Variants in SYT7 observed in about 807,000 individuals in gnomAD.
The protein encoded by SYT7 is synaptotagmin 7.
SYT7 carries 29 observed loss-of-function variants against 75.1 expected under a neutral mutation model. The ratio of observed to expected loss-of-function variants is 0.39; its 90% CI spans 0.29 to 0.53. The LOEUF is 0.53. Ranked by LOEUF, SYT7 falls within the 20% of genes least tolerant of loss-of-function variation. The pLI is 0.77. For missense variants in SYT7, 693 were observed against 953.2 expected, an observed-to-expected ratio of 0.73 and a Z score of 3.59; for synonymous variants, 376 against 401.7, an observed-to-expected ratio of 0.94 and a Z score of 0.76.
rs201235198 is a variant in SYT7 at position 61,518,051 on chromosome 11, ACG to A, written c.*574_*575del. 1,201 of 159,290 alleles carry A rather than the reference ACG, an allele frequency of 7.5e-3. 22 individuals are homozygous for A. Among genetic ancestry groups the A allele is most frequent in the African/African-American group, 0.026 (1,103 of 41,826 alleles). The allele number at this position is 159,290 out of a possible 1,614,324, so 9.9% of individuals were successfully genotyped here. A position where few individuals can be genotyped will look rare whatever the true frequency, so the allele number is the denominator to read the frequency against. ...TCCGCATTTCCAGGCCTCTGTCCCCACGCACACACACAATGGACACAACACGA... is the reference window on the plus strand; with the variant it reads ...TCCGCATTTCCAGGCCTCTGTCCCCACACACACACAATGGACACAACACGA... On this transcript the variant is annotated 3_prime_UTR_variant, in exon 13 of 13. Coordinates refer to ENST00000539008, the MANE Select transcript of SYT7 (RefSeq NM_001365809.2).
At chr11:61,521,449 C>T (rs577870204) in intron 12 of SYT7, among the ~76,000 whole-genome samples, 1 of 152,190 alleles carries the variant, frequency 6.6e-6, no homozygotes, top group Non-Finnish European at 1.5e-5. Flanking sequence ...TGGCAAGACC[C>T]GAGCCCTGGC....
intron 1 of SYT7, among the ~76,000 whole-genome samples, chr11:61,566,330 C>T (rs76702546): frequency 0.035 from 5,307 of 152,292 alleles, 315 homozygotes; most frequent in African/African-American, 0.12. Context: ...AATTCCTGGC[C>T]TAGGGAGGCC....
In SYT7 at chr11:61,551,567, C is replaced by A. The variant is rs374640940; in HGVS notation, c.136-104G>T. On this transcript the variant is annotated intron_variant, in intron 2 of 12. Transcript: ENST00000539008. This position sits in a 1 kb window ranked among gnomAD's most constrained non-coding sequence, Gnocchi z 5.3. ...GGAAGGAGATAGACTGGAGTCGGGC[C>A]GTGGCAACAAGGCCAGGACCAGTGT... 1.7e-6 allele frequency: 2 copies of A among 1,201,194 alleles called. No homozygotes were observed. Among genetic ancestry groups the A allele is most frequent in the Admixed American group, 1.8e-5 (1 of 54,656 alleles). The allele number at this position is 1,201,194 out of a possible 1,614,324, so 74.4% of individuals were successfully genotyped here.
intron 2 of SYT7, among the ~76,000 whole-genome samples, chr11:61,555,241 G>A (rs2063462761): frequency 6.6e-6 from 1 of 152,186 alleles, no homozygotes; most frequent in African/African-American, 2.4e-5. Context: ...GCTTGCTAGT[G>A]ACCCTCCTTC....
In SYT7 at chr11:61,551,982, G is replaced by A. The variant is rs183520041; in HGVS notation, c.136-519C>T. 1.9e-3 allele frequency among the ~76,000 whole-genome samples: 295 copies of A among 152,226 alleles called. 1 individual carries two copies. Among genetic ancestry groups the A allele is most frequent in the African/African-American group, 6.9e-3 (285 of 41,550 alleles). ...CCACTGTCTGGGGGTTCTCTGGGGG[G>A]TCCTTGTGCCCTGGGGCTGTAAGGC... On this transcript the variant is annotated intron_variant, in intron 2 of 12. Coordinates refer to ENST00000539008, the MANE Select transcript of SYT7 (RefSeq NM_001365809.2). This position sits in a 1 kb window ranked among gnomAD's most constrained non-coding sequence, Gnocchi z 5.3.
In SYT7 at chr11:61,525,180, C is replaced by T. The variant is rs192668473; in HGVS notation, c.1472-648G>A. On this transcript the variant is annotated intron_variant, in intron 9 of 12. Coordinates refer to ENST00000539008, the MANE Select transcript of SYT7 (RefSeq NM_001365809.2). ...CTGCAAGTGTCTCCAAACCGCCCTC[C>T]CCGCATCCACGCTTTCTCCTACCGT... Among the ~76,000 whole-genome samples, 479 of 152,364 alleles carry T rather than the reference C, an allele frequency of 3.1e-3. 3 individuals are homozygous for T. Among genetic ancestry groups the T allele is most frequent in the African/African-American group, 0.011 (466 of 41,586 alleles).
chr11:61,545,858 G>A (rs772054498), intron 5 of SYT7, among the ~76,000 whole-genome samples, 173 bp downstream of exon 5: 8 of 152,278 alleles, frequency 5.3e-5, no homozygotes, highest in Admixed American at 1.3e-4. Flanking sequence ...GGCTGAGTTC[G>A]TCGTGCCAGA....
chr11:61,542,639 G>A lies in SYT7; in HGVS notation c.573-60C>T. The stretch of plus-strand genomic sequence containing the variant: ...AGCAGATGAAGGGATCACAGTGGAA[G>A]AGAAAGAAGCCGAGGGCCAGGACTA... On this transcript the variant is annotated intron_variant, in intron 5 of 12. Transcript: ENST00000539008. The surrounding 1 kb of genome is among the most constrained non-coding windows in gnomAD (Gnocchi z 7.8). 1 of 1,432,046 alleles carries A rather than the reference G, an allele frequency of 7.0e-7. No homozygotes were observed. The highest frequency in any genetic ancestry group is 2.5e-4 in the Middle Eastern group (1 of 4,048). 88.7% of individuals were successfully genotyped at this position (1,432,046 alleles called of 1,614,324 possible).
rs2135239104 is a variant in SYT7, at chr11:61,542,126, A to G, written c.941+85T>C. ...GGGGATGGAGGGCCGGGAGGTACACACAACCAGCTGCTCCCAAGGAGATCT... is the reference window on the plus strand; with the variant it reads ...GGGGATGGAGGGCCGGGAGGTACACGCAACCAGCTGCTCCCAAGGAGATCT... On this transcript the variant is annotated intron_variant, in intron 6 of 12. Coordinates refer to ENST00000539008, the MANE Select transcript of SYT7 (RefSeq NM_001365809.2). This position sits in a 1 kb window ranked among gnomAD's most constrained non-coding sequence, Gnocchi z 7.8. The G allele has an allele frequency of 1.4e-6, 2 of 1,461,056 alleles. No homozygotes were observed. Among genetic ancestry groups the G allele is most frequent in the Non-Finnish European group, 1.8e-6 (2 of 1,110,438 alleles). The allele number at this position is 1,461,056 out of a possible 1,614,324, so 90.5% of individuals were successfully genotyped here. A position where few individuals can be genotyped will look rare whatever the true frequency, so the allele number is the denominator to read the frequency against.
chr11:61,547,439 C>T (rs2135280900), intron 3 of SYT7, 131 bp from the exon 4 acceptor site: 2 of 1,062,484 alleles, frequency 1.9e-6, no homozygotes, highest in South Asian at 1.6e-5. Context: ...CGTGGGTCAG[C>T]TCCTGCGGGA....
intron 1 of SYT7, among the ~76,000 whole-genome samples, chr11:61,571,390 C>T (rs1361178168): frequency 4.6e-5 from 7 of 152,242 alleles, no homozygotes; most frequent in African/African-American, 9.6e-5. Context: ...AGCACCAGAA[C>T]AAGCTGACTC....
At chr11:61,541,217 C>G in intron 6 of SYT7, 1 of 985,698 alleles carries the variant, frequency 1.0e-6, no homozygotes. Flanking sequence ...TTTCTCCTCG[C>G]CCAGGCTTAG....
chr11:61,531,891 CAAAAAAAAAAAAAA>C (rs58242073), intron 8 of SYT7, among the ~76,000 whole-genome samples: 1 of 49,412 alleles, frequency 2.0e-5, no homozygotes, highest in Non-Finnish European at 5.0e-5. Context: ...GATTCTGTCT[CAAAAAAAAAAAAAA>C]AAAAAAAAAA....
At position 61,533,039 on chromosome 11, in the gene SYT7, G is replaced by A. The variant is rs1214068187; in HGVS notation, c.1150C>T (p.Arg384Cys). The A allele has an allele frequency of 9.9e-6, 16 of 1,613,558 alleles. No homozygotes were observed. Among genetic ancestry groups the A allele is most frequent in the African/African-American group, 1.3e-5 (1 of 74,942 alleles). ...TTGACGAGGTCTGAGACGGAGGAACGTGGCTCGGTCCGGCGGTCGGACTCA... is the reference window on the plus strand; with the variant it reads ...TTGACGAGGTCTGAGACGGAGGAACATGGCTCGGTCCGGCGGTCGGACTCA... ...HDESDRRTEP[R>C]SSVSDLVNSL... The change falls in exon 8 of 13, where the codon CGT (arginine) becomes TGT (cysteine). Residue 384 changes from arginine to cysteine, a missense_variant. Around this residue, in one of 2 missense-constraint regions of SYT7, gnomAD observed 487 missense variants for 593.2 expected, o/e 0.82. Coordinates refer to ENST00000539008, the MANE Select transcript of SYT7 (RefSeq NM_001365809.2).
intron 1 of SYT7, among the ~76,000 whole-genome samples, chr11:61,574,883 T>G (rs1022707639): frequency 1.3e-4 from 20 of 151,458 alleles, no homozygotes; most frequent in African/African-American, 4.6e-4. Flanking sequence ...CGCGGCAGGG[T>G]TTGAAGTAAT....
At chr11:61,557,802 T>C (rs2063537076) in intron 1 of SYT7, among the ~76,000 whole-genome samples, 1 of 152,184 alleles carries the variant, frequency 6.6e-6, no homozygotes, top group South Asian at 2.1e-4. Context: ...CCCCTCCCTC[T>C]CCTGGGCTGA....
intron 7 of SYT7, among the ~76,000 whole-genome samples, chr11:61,534,457 G>A (rs2062809431): frequency 1.3e-5 from 2 of 149,674 alleles, no homozygotes; most frequent in East Asian, 2.0e-4. Flanking sequence ...ACACACGCAC[G>A]TGCGTGCATA....
intron 2 of SYT7, among the ~76,000 whole-genome samples, chr11:61,554,321 C>T (rs2063432276): frequency 6.6e-6 from 1 of 152,102 alleles, no homozygotes. Context: ...CACACACACA[C>T]TGCAGCACAT....
chr11:61,527,596 C>A (rs1158374877), intron 9 of SYT7, among the ~76,000 whole-genome samples: 1 of 152,168 alleles, frequency 6.6e-6, no homozygotes, highest in Non-Finnish European at 1.5e-5. Context: ...CCCAGCTTCC[C>A]TCCTCGGCCT....
Sources: gnomAD v4.1 joint callset for allele counts (sites outside exome capture counted in the v4.1 genomes callset) on GRCh38, gnomAD v4.1.1 for gene constraint, gnomAD v4.1.1 regional missense constraint, Gnocchi (gnomAD v3.1) non-coding constraint, MANE v1.5 for transcripts, NCBI Gene and HGNC (gene_info 2026-07-23, HGNC 2026-07-21) for gene names.